UGGT2: variants seen among roughly 807,000 people sequenced by gnomAD.
The protein encoded by UGGT2 is UDP-glucose:glycoprotein glucosyltransferase 2.
In UGGT2, 180 loss-of-function variants were observed where a neutral mutation model predicts 192.1. The observed-to-expected ratio is 0.94, with a 90% confidence interval of 0.83 to 1.06. The LOEUF (loss-of-function observed/expected upper bound fraction) is 1.06, where lower values mean the gene tolerates loss of function less well. Ranked by LOEUF, UGGT2 falls within the 50% of genes least tolerant of loss-of-function variation. UGGT2 has a pLI of 0.00. For missense variants in UGGT2, 1,849 were observed against 1,795.7 expected, an observed-to-expected ratio of 1.03 and a Z score of -0.54; for synonymous variants, 580 against 591.0, an observed-to-expected ratio of 0.98 and a Z score of 0.27.
intron 38 of UGGT2, among the ~76,000 whole-genome samples, chr13:95,831,361 T>C (rs1886668216): frequency 6.6e-6 from 1 of 152,152 alleles, no homozygotes; most frequent in Non-Finnish European, 1.5e-5. Flanking sequence ...TACAGACCTA[T>C]GATTTTTCTT....
chr13:96,042,325 C>A (rs2053188381), intron 1 of UGGT2, among the ~76,000 whole-genome samples: 1 of 152,160 alleles, frequency 6.6e-6, no homozygotes, highest in South Asian at 2.1e-4. Context: ...GAGAGTACTA[C>A]ATCAAGGGAA....
chr13:95,822,264 G>A (rs1188301862), intron 38 of UGGT2, among the ~76,000 whole-genome samples: 2 of 151,872 alleles, frequency 1.3e-5, no homozygotes, highest in Non-Finnish European at 2.9e-5. Flanking sequence ...TACCTCCTTG[G>A]TTAGGTATAT....
intron 22 of UGGT2, among the ~76,000 whole-genome samples, chr13:95,896,500 C>T (rs1020778452): frequency 6.6e-6 from 1 of 152,082 alleles, no homozygotes; most frequent in Non-Finnish European, 1.5e-5. Context: ...AACAATGAAT[C>T]AGCAGTCTTG....
intron 38 of UGGT2, among the ~76,000 whole-genome samples, chr13:95,827,598 CTG>C (rs377526986): frequency 7.8e-4 from 119 of 152,226 alleles, no homozygotes; most frequent in African/African-American, 2.6e-3. Flanking sequence ...GTTTGTGGAA[CTG>C]TGTTATAGCA....
chr13:95,847,553 A>T (rs1888595417), intron 36 of UGGT2, among the ~76,000 whole-genome samples: 1 of 152,186 alleles, frequency 6.6e-6, no homozygotes, highest in Admixed American at 6.5e-5. Context: ...AGAATAATAC[A>T]GTATGTAATC....
intron 6 of UGGT2, among the ~76,000 whole-genome samples, 167 bp downstream of exon 6, chr13:95,999,044 C>A (rs2051713580): frequency 6.6e-6 from 1 of 152,142 alleles, no homozygotes; most frequent in Non-Finnish European, 1.5e-5. Context: ...AAATACATTT[C>A]TTTCAGCTGA....
intron 1 of UGGT2, among the ~76,000 whole-genome samples, chr13:96,048,233 T>A (rs1476494684): frequency 2.0e-5 from 3 of 152,194 alleles, no homozygotes; most frequent in Non-Finnish European, 2.9e-5. Flanking sequence ...CCTGAATGAC[T>A]ACTGGGTACA....
At chr13:96,007,264 TC>T (rs553021305) in intron 5 of UGGT2, among the ~76,000 whole-genome samples, 2 of 151,574 alleles carry the variant, frequency 1.3e-5, no homozygotes, top group East Asian at 3.9e-4. Flanking sequence ...GACAAGTCCC[TC>T]CCCCCCAACA....
chr13:95,877,167 C>A, intron 29 of UGGT2, 112 bp downstream of exon 29: 1 of 876,246 alleles, frequency 1.1e-6, no homozygotes, highest in Non-Finnish European at 1.7e-6. Context: ...CAGGCTTGAG[C>A]CACTGCGCCA....
At chr13:96,010,853 C>G (rs2052139074) in intron 5 of UGGT2, among the ~76,000 whole-genome samples, 1 of 152,158 alleles carries the variant, frequency 6.6e-6, no homozygotes, top group African/African-American at 2.4e-5. Context: ...GGAGGACTAA[C>G]ACAACCTGAT....
chr13:95,975,475 G>A (rs2050907569), intron 10 of UGGT2, among the ~76,000 whole-genome samples: 1 of 152,112 alleles, frequency 6.6e-6, no homozygotes, highest in South Asian at 2.1e-4. Context: ...TATGGGTTTG[G>A]AGCTGGATTT....
At chr13:96,024,304 A>T (rs750028007) in intron 2 of UGGT2, among the ~76,000 whole-genome samples, 4 of 152,146 alleles carry the variant, frequency 2.6e-5, no homozygotes, top group Non-Finnish European at 5.9e-5. Flanking sequence ...CGAGTTGCCT[A>T]CTATAAACCC....
At chr13:95,869,251 T>G (rs1462182771) in intron 29 of UGGT2, among the ~76,000 whole-genome samples, 1 of 152,030 alleles carries the variant, frequency 6.6e-6, no homozygotes, top group East Asian at 1.9e-4. Context: ...TATTCCATGG[T>G]GTATATGTGC....
chr13:95,943,487 A>AT (rs1203112316), intron 15 of UGGT2, among the ~76,000 whole-genome samples: 1 of 151,980 alleles, frequency 6.6e-6, no homozygotes, highest in Non-Finnish European at 1.5e-5. Flanking sequence ...AAGTACTCTC[A>AT]TGAGGATAAG....
At chr13:95,866,698 A>C (rs1890690269) in intron 30 of UGGT2, among the ~76,000 whole-genome samples, 2 of 152,084 alleles carry the variant, frequency 1.3e-5, no homozygotes, top group Non-Finnish European at 2.9e-5. Flanking sequence ...TTGTCCCCTA[A>C]CCCATCAAAT....
intron 10 of UGGT2, among the ~76,000 whole-genome samples, chr13:95,983,180 T>C (rs1334423136): frequency 2.0e-5 from 3 of 152,202 alleles, no homozygotes; most frequent in Non-Finnish European, 4.4e-5. Flanking sequence ...TGAGGATAAA[T>C]GTGGTTGGTA....
intron 1 of UGGT2, among the ~76,000 whole-genome samples, chr13:96,043,813 A>G (rs2053231586): frequency 6.6e-6 from 1 of 152,218 alleles, no homozygotes; most frequent in Admixed American, 6.5e-5. Context: ...CAACACGGAA[A>G]TATTACAATC....
intron 2 of UGGT2, among the ~76,000 whole-genome samples, chr13:96,024,215 T>C (rs753341911): frequency 6.6e-6 from 1 of 152,202 alleles, no homozygotes; most frequent in Non-Finnish European, 1.5e-5. Context: ...CCAGAATACT[T>C]TTAGGAGACA....
intron 15 of UGGT2, among the ~76,000 whole-genome samples, chr13:95,944,422 A>G (rs2049796016): frequency 2.0e-5 from 3 of 152,060 alleles, no homozygotes; most frequent in Non-Finnish European, 4.4e-5. Flanking sequence ...AAGTGGGTAT[A>G]TGAATCTGAA....
Sources: allele counts gnomAD v4.1 joint callset (sites outside exome capture counted in the v4.1 genomes callset), GRCh38; gene constraint gnomAD v4.1.1; transcripts MANE v1.5; gene names NCBI Gene and HGNC (gene_info 2026-07-23, HGNC 2026-07-21).